THBS2: variants seen among roughly 807,000 people sequenced by gnomAD.
THBS2 encodes the protein thrombospondin-2.
Under a neutral mutation model 135.2 loss-of-function variants are expected in THBS2, and 47 were observed. The ratio of observed to expected loss-of-function variants is 0.35; its 90% CI spans 0.28 to 0.44. The LOEUF (loss-of-function observed/expected upper bound fraction) is 0.44. THBS2 is among the 20% of genes least tolerant of loss of function. THBS2 has a pLI of 1.00. For synonymous variants in THBS2, 639 were observed against 633.8 expected, an observed-to-expected ratio of 1.01 and a Z score of -0.12; for missense variants, 1,288 against 1,603.1, an observed-to-expected ratio of 0.80 and a Z score of 3.36.
Position 169,229,599 on chromosome 6 carries a change from A to T in THBS2, c.2232T>A (p.Asp744Glu). The part of the protein sequence containing the change: ...DGIGDACDDD[D>E]DNDGVTDEKD... ...TCTCATCGGTCACACCGTCATTGTC[A>T]TCGTCATCATCACAGGCATCGCCAA... Residue 744 changes from aspartate to glutamate, a missense_variant, in exon 14 of 22, where the codon GAT becomes GAA. Physicochemically the swap from Asp to Glu is conservative, Grantham distance 45. Coordinates refer to ENST00000617924, the MANE Select transcript of THBS2 (RefSeq NM_003247.5). 1 of 1,614,072 alleles carries T rather than the reference A, an allele frequency of 6.2e-7. No homozygotes were observed. The highest frequency in any genetic ancestry group is 8.5e-7 in the Non-Finnish European group (1 of 1,179,960).
At position 169,250,717 on chromosome 6, in the gene THBS2, C is replaced by G. The variant is rs201070190; in HGVS notation, c.52+16G>C. ...TCACAAGCCAGAGAGAGACCACAGG[C>G]TCTGAGGACACTCACCTTGCGTGCT... is the stretch of plus-strand genomic sequence containing the variant. On this transcript the variant is annotated intron_variant, in intron 2 of 21. Coordinates refer to ENST00000617924, the MANE Select transcript of THBS2 (RefSeq NM_003247.5). The G allele has an allele frequency of 5.3e-4, 851 of 1,612,324 alleles. 2 individuals carry two copies. The highest frequency in any genetic ancestry group is 8.1e-4 in the South Asian group (73 of 90,494).
At chr6:169,220,988 A>G (rs550532423) in intron 20 of THBS2, among the ~76,000 whole-genome samples, 1 of 152,360 alleles carries the variant, frequency 6.6e-6, no homozygotes, top group South Asian at 2.1e-4. Flanking sequence ...TGTTTGAATA[A>G]AAATCAATTA....
chr6:169,248,824 C>G lies in THBS2; in HGVS notation c.202G>C (p.Ala68Pro). 1.2e-6 allele frequency: 2 copies of G among 1,610,878 alleles called. No homozygotes were observed. Among genetic ancestry groups the G allele is most frequent in the African/African-American group, 1.3e-5 (1 of 75,016 alleles). ...TTGGTGATCTTGCTGAGGTCATCTGCGTTCACCGGTGGGATGTAGTCAAAG... is the reference window on the plus strand; with the variant it reads ...TTGGTGATCTTGCTGAGGTCATCTGGGTTCACCGGTGGGATGTAGTCAAAG... ...VRFDYIPPVN[A>P]DDLSKITKIM... The change falls in exon 3 of 22, where the codon GCA becomes CCA. Residue 68 changes from alanine (A) to proline (P), a missense_variant. Physicochemically the swap from Ala to Pro is conservative, Grantham distance 27 (BLOSUM62 -1). Around this residue, in one of 2 missense-constraint regions of THBS2, gnomAD observed 414 missense variants for 447.0 expected, o/e 0.93. Coordinates refer to ENST00000617924, the MANE Select transcript of THBS2 (RefSeq NM_003247.5).
intron 1 of THBS2, among the ~76,000 whole-genome samples, chr6:169,251,276 AAC>A (rs745640633): frequency 5.3e-5 from 8 of 152,240 alleles, no homozygotes; most frequent in Non-Finnish European, 1.0e-4. Flanking sequence ...TCCAGCAAAA[AAC>A]AGTTATGCAT....
rs1434970391 is a variant in THBS2, at chr6:169,231,968, C to A, written c.2151+12G>T. The A allele has an allele frequency of 1.2e-6, 2 of 1,612,972 alleles. No homozygotes were observed. Among genetic ancestry groups the A allele is most frequent in the East Asian group, 4.5e-5 (2 of 44,850 alleles). ...CCGTGGCCCCGTGTGCCCTGCGAGCCCCGCGCCTCACCTTGATGCAGTGGT... is the reference window on the plus strand; with the variant it reads ...CCGTGGCCCCGTGTGCCCTGCGAGCACCGCGCCTCACCTTGATGCAGTGGT... On this transcript the variant is annotated intron_variant, in intron 13 of 21. Coordinates refer to ENST00000617924, the MANE Select transcript of THBS2 (RefSeq NM_003247.5).
chr6:169,228,969 C>T (rs925566484), intron 14 of THBS2, among the ~76,000 whole-genome samples: 1 of 149,490 alleles, frequency 6.7e-6, no homozygotes. Flanking sequence ...ATCATTTTAT[C>T]ATTATTTATG....
chr6:169,228,591 C>T (rs189802111), intron 14 of THBS2, among the ~76,000 whole-genome samples: 8 of 149,882 alleles, frequency 5.3e-5, no homozygotes, highest in East Asian at 2.0e-4. Context: ...AGACCAGGGC[C>T]GGGCGCAGTG....
At chr6:169,224,573 C>G (rs557454098) in intron 17 of THBS2, among the ~76,000 whole-genome samples, 1 of 152,362 alleles carries the variant, frequency 6.6e-6, no homozygotes, top group Non-Finnish European at 1.5e-5. Flanking sequence ...CACTTTCTCA[C>G]AGCCTCCCCG....
At chr6:169,248,049 CTG>C (rs35032917) in intron 3 of THBS2, among the ~76,000 whole-genome samples, 58,766 of 151,026 alleles carry the variant, frequency 0.39, 11,528 homozygotes, top group Middle Eastern at 0.46. Context: ...GTGTGCGTGT[CTG>C]TGTGTGTGTG....
At chr6:169,218,881 G>GGAT (rs1267686347) in intron 21 of THBS2, among the ~76,000 whole-genome samples, 5 of 150,188 alleles carry the variant, frequency 3.3e-5, no homozygotes, top group African/African-American at 1.2e-4. Flanking sequence ...GTGGATGGAT[G>GGAT]GATGATGAGT....
intron 3 of THBS2, among the ~76,000 whole-genome samples, chr6:169,246,578 T>G (rs1188245080): frequency 6.6e-6 from 1 of 152,244 alleles, no homozygotes; most frequent in Admixed American, 6.5e-5. Flanking sequence ...GCCTGCTGTG[T>G]GTTCTGGGCA....
chr6:169,232,294 C>G lies in THBS2; in HGVS notation c.1933-96G>C, dbSNP rs1263246493. On this transcript the variant is annotated intron_variant, in intron 12 of 21. Transcript: ENST00000617924. ...CGGGCACCGCAGGCCCCAGCAGGTC[C>G]GGTCCCAAGCGGACCCAAGTCCTGA... 15 of 1,351,574 alleles carry G rather than the reference C, an allele frequency of 1.1e-5. 1 individual carries two copies. In the South Asian group the frequency reaches 1.2e-4, roughly 11 times the overall value. 83.7% of individuals were successfully genotyped at this position (1,351,574 alleles called of 1,614,324 possible).
At chr6:169,248,335 C>T (rs1780628690) in intron 3 of THBS2, 82 bp downstream of exon 3, 1 of 1,464,862 alleles carries the variant, frequency 6.8e-7, no homozygotes, top group Non-Finnish European at 9.2e-7. Flanking sequence ...GCTCAAGCAT[C>T]GCATCACCAG....
Position 169,225,377 on chromosome 6 carries a change from G to C in THBS2, c.2541C>G (p.Thr847=). 1 of 1,553,928 alleles carries C rather than the reference G, an allele frequency of 6.4e-7. No homozygotes were observed. Among genetic ancestry groups the C allele is most frequent in the East Asian group, 2.4e-5 (1 of 41,120 alleles). ...NCPLVHNPDQ[T]DVDNDLVGDQ... ...CCCCAACAAGGTCATTGTCCACGTC[G>C]GTCTAGGGGATGGGGCGTGAGAGAA... Residue 847 remains threonine (T), a splice_region_variant and synonymous_variant, in exon 17 of 22, where the codon ACC becomes ACG. Coordinates refer to ENST00000617924, the MANE Select transcript of THBS2 (RefSeq NM_003247.5).
At position 169,246,499 on chromosome 6, in the gene THBS2, T is replaced by G. The variant is rs551541591; in HGVS notation, c.610-218A>C. On this transcript the variant is annotated intron_variant, in intron 3 of 21. Transcript: ENST00000617924. ...CATGACACAAGAAATGGAAGTGTAA[T>G]GTAAGAAATCTACCTAGAAGAAGGA... Among the ~76,000 whole-genome samples the G allele has an allele frequency of 7.2e-5, 11 of 152,306 alleles. No homozygotes were observed. The South Asian group carries it at 2.3e-3, about 32-fold the overall frequency.
chr6:169,229,745 G>GTTTCATTTCACCTGCATTCC, intron 13 of THBS2, 66 bp from the exon 14 acceptor site: 1 of 1,340,856 alleles, frequency 7.5e-7, no homozygotes, highest in Non-Finnish European at 1.1e-6. Flanking sequence ...AGGAATGCAG[G>GTTTCATTTCACCTGCATTCC]TGAAATGAAA....
chr6:169,226,441 A>G, intron 15 of THBS2, 143 bp from the exon 16 acceptor site: 1 of 571,554 alleles, frequency 1.7e-6, no homozygotes, highest in South Asian at 2.5e-5. Flanking sequence ...GCCTAAGAAT[A>G]TAGTAAAATA....
chr6:169,243,801 C>T (rs1780457547), intron 4 of THBS2, among the ~76,000 whole-genome samples: 1 of 152,210 alleles, frequency 6.6e-6, no homozygotes, highest in African/African-American at 2.4e-5. Flanking sequence ...GTAGTAAAAC[C>T]TTCCAGCTAA....
At chr6:169,233,316 G>T (rs1471073483) in intron 10 of THBS2, among the ~76,000 whole-genome samples, 1 of 150,576 alleles carries the variant, frequency 6.6e-6, no homozygotes, top group Non-Finnish European at 1.5e-5. Flanking sequence ...TACGCACCAG[G>T]TTCCACAACA....
Sources: gnomAD v4.1 joint callset for allele counts (sites outside exome capture counted in the v4.1 genomes callset) on GRCh38, gnomAD v4.1.1 for gene constraint, gnomAD v4.1.1 regional missense constraint, MANE v1.5 for transcripts, NCBI Gene and HGNC (gene_info 2026-07-23, HGNC 2026-07-21) for gene names.